The following ACSM3 variants were observed in gnomAD, a reference collection of about 807,000 sequenced individuals.
The protein encoded by ACSM3 is acyl-coenzyme A synthetase ACSM3, mitochondrial.
In ACSM3, 61 loss-of-function variants were observed where a neutral mutation model predicts 74.1. The observed-to-expected ratio is 0.82, with a 90% CI of 0.67 to 1.02. ACSM3 has a LOEUF of 1.02. Ranked by LOEUF, ACSM3 falls within the 50% of genes least tolerant of loss-of-function variation. The pLI is 0.00. For synonymous variants in ACSM3, 213 were observed against 241.5 expected, an observed-to-expected ratio of 0.88 and a Z score of 1.09; for missense variants, 660 against 697.0, an observed-to-expected ratio of 0.95 and a Z score of 0.60.
intron 12 of ACSM3, chr16:20,792,806 G>A (rs1049903494): frequency 1.5e-6 from 1 of 675,012 alleles, no homozygotes; most frequent in African/African-American, 2.0e-5. Context: ...TAAATAAGTA[G>A]AGATTTCAGG....
chr16:20,725,811 A>C (rs1020472209), intron 1 of ACSM3, among the ~76,000 whole-genome samples: 50 of 152,148 alleles, frequency 3.3e-4, no homozygotes, highest in African/African-American at 1.2e-3. Context: ...GTCTCTACTA[A>C]AAATACAAAC....
At chr16:20,738,046 T>A in intron 1 of ACSM3, 4 of 1,221,938 alleles carry the variant, frequency 3.3e-6, no homozygotes, top group Non-Finnish European at 1.2e-6. Flanking sequence ...ATGACATAAG[T>A]TGACAGAAGA....
At position 20,772,192 on chromosome 16, in the gene ACSM3, A is replaced by G. The variant is rs558895875; in HGVS notation, c.219+1939A>G. ...TCACAAATATTTTCTCCCATTCTAC[A>G]TCTTGTCTCTTCTCTCTGTTGATTG... On this transcript the variant is annotated intron_variant, in intron 2 of 13. Coordinates refer to ENST00000289416, the MANE Select transcript of ACSM3 (RefSeq NM_005622.4). 2.8e-3 allele frequency among the ~76,000 whole-genome samples: 424 copies of G among 152,150 alleles called. 2 individuals carry two copies. The highest frequency in any genetic ancestry group is 5.0e-3 in the Non-Finnish European group (338 of 68,000).
In ACSM3 at chr16:20,790,896, C is replaced by G. The variant is rs145561309; in HGVS notation, c.1326+208C>G. ...GCATGCTGGTCCCCTGAGGCCAGAT[C>G]ACTGTTCCAGGTCCACGAAGGCAAG... is the stretch of plus-strand genomic sequence containing the variant. On this transcript the variant is annotated intron_variant, in intron 10 of 13. Transcript: ENST00000289416. This position sits in a 1 kb window ranked among gnomAD's most constrained non-coding sequence, Gnocchi z 4.0. 13 of 1,614,062 alleles carry G rather than the reference C, an allele frequency of 8.1e-6. No homozygotes were observed. The highest frequency in any genetic ancestry group is 1.1e-5 in the Non-Finnish European group (13 of 1,179,982).
At chr16:20,727,785 T>A (rs1350809767) in intron 1 of ACSM3, among the ~76,000 whole-genome samples, 1 of 152,182 alleles carries the variant, frequency 6.6e-6, no homozygotes, top group Non-Finnish European at 1.5e-5. Flanking sequence ...AGAGCCTCTG[T>A]GGGGAATTTA....
At chr16:20,779,295 T>C (rs1051873646) in intron 4 of ACSM3, among the ~76,000 whole-genome samples, 4 of 151,452 alleles carry the variant, frequency 2.6e-5, no homozygotes, top group African/African-American at 9.7e-5. Flanking sequence ...TGGTGATGCA[T>C]ACCTGTAGTC....
intron 1 of ACSM3, chr16:20,721,124 CT>C (rs754641769): frequency 3.9e-5 from 6 of 152,168 alleles, no homozygotes; most frequent in East Asian, 3.9e-4. Context: ...GAGTAGAAGC[CT>C]GTGAGGAAAG....
intron 1 of ACSM3, among the ~76,000 whole-genome samples, chr16:20,690,352 G>C (rs1399351688): frequency 6.6e-6 from 1 of 152,116 alleles, no homozygotes; most frequent in Admixed American, 6.6e-5. Context: ...TTCTCTCTTG[G>C]TCTGTGTCTT....
At chr16:20,704,509 T>G (rs887721022) in intron 1 of ACSM3, among the ~76,000 whole-genome samples, 2 of 152,216 alleles carry the variant, frequency 1.3e-5, no homozygotes, top group Non-Finnish European at 2.9e-5. Context: ...TACTTTGTTT[T>G]GATTTCTAGA....
At chr16:20,736,645 T>A (rs954178498) in intron 1 of ACSM3, 21 of 482,366 alleles carry the variant, frequency 4.4e-5, no homozygotes, top group Admixed American at 2.1e-4. Context: ...CCCCCTCCTA[T>A]CCTCCCCTCT....
chr16:20,740,895 C>A (rs1221601630), intron 1 of ACSM3, among the ~76,000 whole-genome samples: 1 of 152,212 alleles, frequency 6.6e-6, no homozygotes, highest in Non-Finnish European at 1.5e-5. Flanking sequence ...ATTACTCCAA[C>A]TTCACGAGGC....
intron 2 of ACSM3, among the ~76,000 whole-genome samples, chr16:20,773,988 GTCTA>G (rs1283764959): frequency 1.3e-5 from 2 of 152,160 alleles, no homozygotes; most frequent in Non-Finnish European, 2.9e-5. Flanking sequence ...TTGTATTGGA[GTCTA>G]TCTGTTTACA....
chr16:20,796,614 A>G, intron 13 of ACSM3, 125 bp downstream of exon 13: 1 of 1,528,766 alleles, frequency 6.5e-7, no homozygotes, highest in Non-Finnish European at 8.7e-7. Flanking sequence ...TGAACTGATG[A>G]CATATGGGTA....
At chr16:20,678,635 C>T in intron 1 of ACSM3, among the ~76,000 whole-genome samples, 1 of 152,190 alleles carries the variant, frequency 6.6e-6, no homozygotes, top group Admixed American at 6.5e-5. Context: ...ATTTGGACTG[C>T]CTCTAACTCT....
At chr16:20,742,757 T>A (rs1204788477) in intron 1 of ACSM3, among the ~76,000 whole-genome samples, 1 of 150,170 alleles carries the variant, frequency 6.7e-6, no homozygotes, top group Non-Finnish European at 1.5e-5. Context: ...TGCTTCCCGG[T>A]CTGGTGATGA....
intron 1 of ACSM3, among the ~76,000 whole-genome samples, chr16:20,717,183 G>T (rs1314272198): frequency 1.3e-5 from 2 of 152,172 alleles, no homozygotes; most frequent in Admixed American, 1.3e-4. Flanking sequence ...CATAAAACAG[G>T]ATGGGGCAAG....
intron 7 of ACSM3, among the ~76,000 whole-genome samples, chr16:20,782,591 A>G (rs568685001): frequency 6.6e-6 from 1 of 152,254 alleles, no homozygotes; most frequent in Admixed American, 6.5e-5. Context: ...GATTTAATTC[A>G]GTCTGACATT....
chr16:20,700,196 T>C (rs1321995560), intron 1 of ACSM3, among the ~76,000 whole-genome samples: 4 of 152,206 alleles, frequency 2.6e-5, no homozygotes, highest in African/African-American at 9.6e-5. Flanking sequence ...CTGCTTATTA[T>C]AGAAAACCTA....
chr16:20,688,275 G>A (rs943425776), intron 1 of ACSM3, among the ~76,000 whole-genome samples: 17 of 151,902 alleles, frequency 1.1e-4, no homozygotes, highest in Admixed American at 7.9e-4. Flanking sequence ...TAAAAAGAAG[G>A]AAGAAAAATA....
Sources: gnomAD v4.1 joint callset for allele counts (sites outside exome capture counted in the v4.1 genomes callset) on GRCh38, gnomAD v4.1.1 for gene constraint, Gnocchi (gnomAD v3.1) non-coding constraint, MANE v1.5 for transcripts, NCBI Gene and HGNC (gene_info 2026-07-23, HGNC 2026-07-21) for gene names.